NELL2: variants seen among roughly 807,000 people sequenced by gnomAD.
NELL2 encodes neural EGFL like 2, also known as protein kinase C-binding protein NELL2.
Under a neutral mutation model 109.6 loss-of-function variants are expected in NELL2, and 41 were observed. The observed-to-expected ratio is 0.37, with a 90% CI of 0.29 to 0.49. The LOEUF (loss-of-function observed/expected upper bound fraction) is 0.49, where lower values mean the gene tolerates loss of function less well. NELL2 is among the 20% of genes least tolerant of loss of function. The probability of loss-of-function intolerance (pLI) is 0.98; values close to 1 mark genes in which losing one functional copy is unlikely to be tolerated. For missense variants in NELL2, 900 were observed against 1,008.3 expected (o/e 0.89, Z 1.45); for synonymous variants, 355 against 344.7 (o/e 1.03, Z -0.33).
At chr12:44,743,756 T>C (rs1940151548) in intron 9 of NELL2, among the ~76,000 whole-genome samples, 7 of 152,210 alleles carry the variant, frequency 4.6e-5, no homozygotes, top group Admixed American at 4.6e-4. Flanking sequence ...CTAACCAGCC[T>C]AAATATATAT....
At chr12:44,887,085 G>A (rs929518637) in intron 1 of NELL2, among the ~76,000 whole-genome samples, 1 of 152,060 alleles carries the variant, frequency 6.6e-6, no homozygotes, top group African/African-American at 2.4e-5. Context: ...GCATGGGAGT[G>A]CGTATGCCTT....
intron 1 of NELL2, 59 bp downstream of exon 1, chr12:44,875,756 C>T: frequency 1.2e-6 from 2 of 1,611,720 alleles, no homozygotes; most frequent in Non-Finnish European, 1.7e-6. Flanking sequence ...CCAGCCAGCC[C>T]ATGCTGCCCC....
chr12:44,577,220 T>C (rs1387047045), intron 15 of NELL2, among the ~76,000 whole-genome samples: 1,109 of 96,280 alleles, frequency 0.012, 21 homozygotes, highest in African/African-American at 0.045. Flanking sequence ...GTTTCCTGAC[T>C]TTTTAATGAT....
intron 13 of NELL2, among the ~76,000 whole-genome samples, chr12:44,659,755 T>A (rs1947671058): frequency 6.6e-6 from 1 of 152,148 alleles, no homozygotes. Flanking sequence ...TGAAACTCCT[T>A]GAGGAACACC....
intron 1 of NELL2, among the ~76,000 whole-genome samples, chr12:44,892,571 G>A (rs1945546489): frequency 6.6e-6 from 1 of 151,994 alleles, no homozygotes; most frequent in African/African-American, 2.4e-5. Flanking sequence ...GCCGAGGCAG[G>A]CAGATCACGA....
At chr12:44,638,274 T>C (rs1946723415) in intron 13 of NELL2, among the ~76,000 whole-genome samples, 1 of 152,128 alleles carries the variant, frequency 6.6e-6, no homozygotes, top group Non-Finnish European at 1.5e-5. Flanking sequence ...ACTTAATAGT[T>C]ACTCACTTGA....
intron 13 of NELL2, among the ~76,000 whole-genome samples, chr12:44,646,946 G>C (rs1489532453): frequency 1.3e-5 from 2 of 152,144 alleles, no homozygotes; most frequent in Non-Finnish European, 2.9e-5. Context: ...GATAGCAATA[G>C]TACTGACCTA....
chr12:44,831,144 T>C (rs1197732764), intron 2 of NELL2, among the ~76,000 whole-genome samples: 1 of 152,074 alleles, frequency 6.6e-6, no homozygotes, highest in Non-Finnish European at 1.5e-5. Context: ...TAAATACCAA[T>C]ATTACCCCTG....
At chr12:44,563,380 C>A (rs1486769950) in intron 15 of NELL2, among the ~76,000 whole-genome samples, 1 of 151,518 alleles carries the variant, frequency 6.6e-6, no homozygotes, top group African/African-American at 2.4e-5. Flanking sequence ...GATTTTTTTT[C>A]TTTTTCTCTT....
chr12:44,634,257 T>C (rs1188276067), intron 13 of NELL2, among the ~76,000 whole-genome samples: 1 of 152,126 alleles, frequency 6.6e-6, no homozygotes, highest in Non-Finnish European at 1.5e-5. Flanking sequence ...TGTGTCACGG[T>C]GGTTTGCTGC....
chr12:44,842,741 T>C (rs531121437), intron 2 of NELL2, among the ~76,000 whole-genome samples: 1 of 151,908 alleles, frequency 6.6e-6, no homozygotes, highest in African/African-American at 2.4e-5. Flanking sequence ...GATGAGATCA[T>C]ACTGGATTAG....
At chr12:44,876,663 G>A (rs769454979), upstream of NELL2, 20 of 1,551,182 alleles carry the variant, frequency 1.3e-5, no homozygotes, top group South Asian at 1.8e-4. Context: ...CCACCCAGCT[G>A]CAGGAGGCAA....
intron 9 of NELL2, among the ~76,000 whole-genome samples, chr12:44,773,744 T>C (rs1941641222): frequency 6.6e-6 from 1 of 152,186 alleles, no homozygotes; most frequent in Non-Finnish European, 1.5e-5. Context: ...ACTAGGCTAA[T>C]ACAGTCTTAT....
chr12:44,699,586 A>C (rs1949164998), intron 12 of NELL2, among the ~76,000 whole-genome samples: 1 of 152,132 alleles, frequency 6.6e-6, no homozygotes, highest in Non-Finnish European at 1.5e-5. Context: ...AAACACCTAG[A>C]AGAACTCTCT....
At chr12:44,549,559 T>C (rs1030139508) in intron 15 of NELL2, among the ~76,000 whole-genome samples, 5 of 152,140 alleles carry the variant, frequency 3.3e-5, no homozygotes, top group Admixed American at 6.6e-5. Flanking sequence ...AGTAAAGGAA[T>C]TGAGTAAAGT....
chr12:44,750,687 G>C (rs535722715), intron 9 of NELL2, among the ~76,000 whole-genome samples: 1 of 152,038 alleles, frequency 6.6e-6, no homozygotes, highest in Non-Finnish European at 1.5e-5. Flanking sequence ...ACAACAGTGC[G>C]GGTCAAAGCG....
rs143368052 is a variant in NELL2, at chr12:44,566,389, A to G, written c.1664-33668T>C. Among the ~76,000 whole-genome samples the G allele has an allele frequency of 2.3e-3, 348 of 152,298 alleles. 2 individuals are homozygous for G. The highest frequency in any genetic ancestry group is 8.1e-3 in the African/African-American group (336 of 41,572). On this transcript the variant is annotated intron_variant, in intron 15 of 19. Coordinates refer to ENST00000429094, the MANE Select transcript of NELL2 (RefSeq NM_001145108.2). ...ACCTATACCTCTAAATAAAGGGAAG[A>G]CAAACTCAGGGAGAAGAAATGGCAT...
chr12:44,652,863 G>C (rs984008264), intron 13 of NELL2, among the ~76,000 whole-genome samples: 9 of 152,198 alleles, frequency 5.9e-5, no homozygotes, highest in African/African-American at 2.2e-4. Flanking sequence ...CCAGCTGCTA[G>C]AGGATGTCTA....
rs1402532240 is a variant in NELL2 at position 44,886,081 on chromosome 12, TAGTAAGGA to T, written c.39-10189_39-10182del. On this transcript the variant is annotated intron_variant, in intron 1 of 20. Transcript: ENST00000333837. The stretch of plus-strand genomic sequence containing the variant: ...ATGCCAGAACAATGGAACATCCATA[TAGTAAGGA>T]AGGAAGGAAGGAAGGAAGGAAGGAA... Among the ~76,000 whole-genome samples the T allele has an allele frequency of 2.1e-3, 229 of 107,886 alleles. 2 individuals are homozygous for T. Among genetic ancestry groups the T allele is most frequent in the East Asian group, 0.02 (82 of 4,102 alleles). The allele number at this position is 107,886 out of a possible 152,430, so 70.8% of individuals were successfully genotyped here. A position where few individuals can be genotyped will look rare whatever the true frequency, so the allele number is the denominator to read the frequency against.
Sources: gnomAD v4.1 joint callset for allele counts (sites outside exome capture counted in the v4.1 genomes callset) on GRCh38, gnomAD v4.1.1 for gene constraint, MANE v1.5 for transcripts, NCBI Gene and HGNC (gene_info 2026-07-23, HGNC 2026-07-21) for gene names.